Variants in ELOVL6 observed in about 807,000 individuals in gnomAD.
The protein encoded by ELOVL6 is very long chain fatty acid elongase 6.
ELOVL6 carries 8 observed loss-of-function variants against 31.7 expected under a neutral mutation model. The ratio of observed to expected loss-of-function variants is 0.25; its 90% CI spans 0.15 to 0.45. The LOEUF is 0.45. Ranked by LOEUF, ELOVL6 falls within the 20% of genes least tolerant of loss-of-function variation. ELOVL6 has a pLI of 1.00. For missense variants in ELOVL6, 126 were observed against 326.4 expected, an observed-to-expected ratio of 0.39 and a Z score of 4.73; for synonymous variants, 101 against 117.7, an observed-to-expected ratio of 0.86 and a Z score of 0.92.
chr4:110,108,457 A>C (rs1160963307), intron 1 of ELOVL6, among the ~76,000 whole-genome samples: 1 of 152,190 alleles, frequency 6.6e-6, no homozygotes, highest in Non-Finnish European at 1.5e-5. Context: ...ATCCTAATGC[A>C]CTGCTCACTT....
intron 1 of ELOVL6, among the ~76,000 whole-genome samples, chr4:110,120,654 A>G (rs550795995): frequency 4.1e-4 from 63 of 152,220 alleles, no homozygotes; most frequent in Non-Finnish European, 7.4e-4. Flanking sequence ...TGCACTTACT[A>G]TATTCTAGGT....
intron 3 of ELOVL6, among the ~76,000 whole-genome samples, chr4:110,054,616 A>C (rs1234767608): frequency 6.6e-6 from 1 of 152,218 alleles, no homozygotes; most frequent in Non-Finnish European, 1.5e-5. Flanking sequence ...TATGCATTTC[A>C]TCCTAACTCT....
intron 1 of ELOVL6, among the ~76,000 whole-genome samples, chr4:110,190,530 A>C (rs1208677668): frequency 1.3e-5 from 2 of 152,160 alleles, no homozygotes; most frequent in Non-Finnish European, 2.9e-5. Context: ...TTTGAGACGG[A>C]GTCTCACTCT....
intron 1 of ELOVL6, among the ~76,000 whole-genome samples, chr4:110,182,902 C>T (rs1759331689): frequency 1.3e-5 from 2 of 151,788 alleles, no homozygotes; most frequent in African/African-American, 4.8e-5. Context: ...GAACAAAACT[C>T]CGTCTCAAAA....
At chr4:110,104,876 A>AG (rs1397513341) in intron 2 of ELOVL6, among the ~76,000 whole-genome samples, 2 of 152,234 alleles carry the variant, frequency 1.3e-5, no homozygotes, top group Non-Finnish European at 2.9e-5. Context: ...ACCAGCTGAC[A>AG]GATGCCCTGA....
chr4:110,179,076 T>C (rs950727042), intron 1 of ELOVL6, among the ~76,000 whole-genome samples: 58 of 152,122 alleles, frequency 3.8e-4, no homozygotes, highest in Non-Finnish European at 7.3e-4. Context: ...AGATGAATCC[T>C]AGTAGTTCTC....
chr4:110,050,616 G>A lies in ELOVL6; in HGVS notation c.*722C>T, dbSNP rs1355397319. ...ATGGAGCTGCCCCCATGGGACCTGG[G>A]CTGCACTGTTTCCATCCTCCCAGGA... On this transcript the variant is annotated 3_prime_UTR_variant, in exon 4 of 4. Transcript: ENST00000302274. The A allele has an allele frequency of 1.3e-5, 2 of 152,710 alleles. No homozygotes were observed. Among genetic ancestry groups the A allele is most frequent in the African/African-American group, 4.8e-5 (2 of 41,438 alleles). 9.5% of individuals were successfully genotyped at this position (152,710 alleles called of 1,614,324 possible).
intron 1 of ELOVL6, among the ~76,000 whole-genome samples, chr4:110,123,397 A>G (rs1678097576): frequency 6.6e-6 from 1 of 152,246 alleles, no homozygotes; most frequent in Non-Finnish European, 1.5e-5. Context: ...CTGTGTGCTA[A>G]GCAGAGTTCT....
At position 110,118,916 on chromosome 4, in the gene ELOVL6, C is replaced by A. The variant is rs181158211; in HGVS notation, c.90-13288G>T. On this transcript the variant is annotated intron_variant, in intron 1 of 3. Transcript: ENST00000302274. ...ACCCCTTCTCTACAGTAAAAATTAG[C>A]CACGCATGGTGGTAGGCATCTGTAG... is the stretch of plus-strand genomic sequence containing the variant. Among the ~76,000 whole-genome samples, 147 of 152,204 alleles carry A rather than the reference C, an allele frequency of 9.7e-4. 1 individual carries two copies. Among genetic ancestry groups the A allele is most frequent in the African/African-American group, 3.3e-3 (139 of 41,526 alleles).
chr4:110,165,615 G>A (rs1405795942), intron 1 of ELOVL6, among the ~76,000 whole-genome samples: 2 of 152,222 alleles, frequency 1.3e-5, no homozygotes, highest in Admixed American at 6.5e-5. Context: ...TAGGCAGGAA[G>A]TAGCATGGTC....
At position 110,160,497 on chromosome 4, in the gene ELOVL6, A is replaced by G. The variant is rs371743144; in HGVS notation, c.89+37750T>C. On this transcript the variant is annotated intron_variant, in intron 1 of 3. Transcript: ENST00000302274. ...GGTCTATCTCTTGTTACTGAAATGA[A>G]GTCAGGGATTAAAAACAGTATCAGT... is the stretch of plus-strand genomic sequence containing the variant. 3.3e-4 allele frequency among the ~76,000 whole-genome samples: 51 copies of G among 152,328 alleles called. No individual in the cohort carries two copies. The East Asian group carries it at 4.2e-3, about 13-fold the overall frequency.
intron 2 of ELOVL6, among the ~76,000 whole-genome samples, chr4:110,095,693 C>T (rs936635047): frequency 1.3e-5 from 2 of 152,062 alleles, no homozygotes; most frequent in African/African-American, 4.8e-5. Context: ...AACAGGGAAA[C>T]AATATGCTAT....
At chr4:110,179,702 A>G (rs191808618) in intron 1 of ELOVL6, among the ~76,000 whole-genome samples, 1 of 152,322 alleles carries the variant, frequency 6.6e-6, no homozygotes, top group Admixed American at 6.5e-5. Flanking sequence ...CTTCATTCCA[A>G]ATGTCCTAGA....
chr4:110,186,900 T>C (rs891789916), intron 1 of ELOVL6, among the ~76,000 whole-genome samples: 1 of 144,476 alleles, frequency 6.9e-6, no homozygotes, highest in Non-Finnish European at 1.5e-5. Context: ...TATACATATA[T>C]ATGGAATGTT....
At chr4:110,197,251 A>G (rs1480221759) in intron 1 of ELOVL6, among the ~76,000 whole-genome samples, 1 of 152,204 alleles carries the variant, frequency 6.6e-6, no homozygotes, top group Non-Finnish European at 1.5e-5. Context: ...AGGGGAGGAG[A>G]GGAATGCCTC....
At chr4:110,096,030 G>A (rs924020696) in intron 2 of ELOVL6, among the ~76,000 whole-genome samples, 2 of 152,184 alleles carry the variant, frequency 1.3e-5, no homozygotes, top group African/African-American at 4.8e-5. Context: ...GACAGGCAGA[G>A]CAAGTTTTAG....
chr4:110,171,502 T>C (rs1758943660), intron 1 of ELOVL6, among the ~76,000 whole-genome samples: 1 of 151,944 alleles, frequency 6.6e-6, no homozygotes, highest in African/African-American at 2.4e-5. Flanking sequence ...TTGTCAATCA[T>C]ACCTACACAA....
rs1757430923 is a variant in ELOVL6 at position 110,124,184 on chromosome 4, A to C, written c.90-18556T>G. ...AACCAGAAATACCATTTGACCCAGC[A>C]ATCCCACTACTGGGTATATACCCAA... On this transcript the variant is annotated intron_variant, in intron 1 of 3. Coordinates refer to ENST00000302274, the MANE Select transcript of ELOVL6 (RefSeq NM_024090.3). 1.3e-5 allele frequency among the ~76,000 whole-genome samples: 2 copies of C among 152,208 alleles called. 1 individual carries two copies. The highest frequency in any genetic ancestry group is 4.1e-4 in the South Asian group (2 of 4,830).
intron 2 of ELOVL6, among the ~76,000 whole-genome samples, chr4:110,062,267 C>A (rs1301510076): frequency 6.6e-6 from 1 of 152,110 alleles, no homozygotes; most frequent in East Asian, 1.9e-4. Context: ...ATTATTGTCC[C>A]ATATCTGGAC....
Sources: allele counts gnomAD v4.1 joint callset (sites outside exome capture counted in the v4.1 genomes callset), GRCh38; gene constraint gnomAD v4.1.1; transcripts MANE v1.5; gene names NCBI Gene and HGNC (gene_info 2026-07-23, HGNC 2026-07-21).